The following YIPF7 variants were observed in gnomAD, a reference collection of about 807,000 sequenced individuals.
YIPF7 encodes the protein protein YIPF7.
Under a neutral mutation model 27.2 loss-of-function variants are expected in YIPF7, and 35 were observed. That is an observed-to-expected ratio of 1.29 (90% CI 0.98 to 1.70). The LOEUF (loss-of-function observed/expected upper bound fraction) is 1.70, where lower values mean the gene tolerates loss of function less well. Ranked by LOEUF, YIPF7 falls within the 40% of genes most tolerant of loss-of-function variation. The pLI, the probability that YIPF7 is intolerant of heterozygous loss-of-function variation, is 0.00. For missense variants in YIPF7, 358 were observed against 303.7 expected (o/e 1.18, Z -1.33); for synonymous variants, 137 against 110.4 (o/e 1.24, Z -1.51).
At chr4:44,660,776 A>T (rs1714026541) in intron 1 of YIPF7, among the ~76,000 whole-genome samples, 1 of 152,200 alleles carries the variant, frequency 6.6e-6, no homozygotes, top group South Asian at 2.1e-4. Flanking sequence ...AAAAAGATGG[A>T]AACACCCCAA....
At chr4:44,656,705 A>G (rs1372193896) in intron 2 of YIPF7, among the ~76,000 whole-genome samples, 1 of 151,948 alleles carries the variant, frequency 6.6e-6, no homozygotes, top group Non-Finnish European at 1.5e-5. Context: ...TTCTACTTTG[A>G]TATTACATAA....
chr4:44,660,113 C>CAAAAAAGAAAAAAAA (rs1714004215), intron 2 of YIPF7, among the ~76,000 whole-genome samples: 1 of 25,514 alleles, frequency 3.9e-5, no homozygotes, highest in Non-Finnish European at 8.0e-5. Context: ...GACTCTGTCT[C>CAAAAAAGAAAAAAAA]AAAAAAAAAA....
rs1408810526 is a variant in YIPF7, at chr4:44,624,628, G to A, written c.581C>T (p.Ser194Phe). The change falls in exon 5 of 6, where the codon TCT becomes TTT. Residue 194 changes from serine to phenylalanine, a missense_variant. Physicochemically the swap from Ser to Phe is radical, Grantham distance 155. Transcript: ENST00000415895. ...CAGTGAAAAGAACATGGCGCAACCA[G>A]ACAGGATGACCATGGGGAGCAGGCA... is the stretch of plus-strand genomic sequence containing the variant. ...GYCLLPMVIL[S>F]GCAMFFSLQG... is the part of the protein sequence containing the mutation. The A allele has an allele frequency of 6.3e-7, 1 of 1,597,630 alleles. No homozygotes were observed. Among genetic ancestry groups the A allele is most frequent in the Non-Finnish European group, 8.5e-7 (1 of 1,172,760 alleles).
intron 5 of YIPF7, 77 bp downstream of exon 5, chr4:44,624,524 C>A: frequency 1.4e-6 from 2 of 1,417,616 alleles, no homozygotes; most frequent in Non-Finnish European, 1.9e-6. Context: ...TCAGGAAGGG[C>A]TCAACTTTTT....
At chr4:44,629,296 T>A (rs1213246525) in intron 4 of YIPF7, 107 bp downstream of exon 4, 2 of 1,256,072 alleles carry the variant, frequency 1.6e-6, no homozygotes, top group Non-Finnish European at 2.0e-6. Context: ...ACTTAAAAAA[T>A]TCACTATGTA....
At chr4:44,628,439 T>C (rs1479625454) in intron 4 of YIPF7, among the ~76,000 whole-genome samples, 1 of 152,186 alleles carries the variant, frequency 6.6e-6, no homozygotes, top group Admixed American at 6.5e-5. Context: ...TTATGGAACA[T>C]GAAGAGCAGG....
At chr4:44,632,843 G>A (rs116715151) in intron 3 of YIPF7, among the ~76,000 whole-genome samples, 2,073 of 152,172 alleles carry the variant, frequency 0.014, 24 homozygotes, top group Middle Eastern at 0.031. Context: ...TAGATTCAAA[G>A]CACAAAATTA....
chr4:44,661,479 TTGAC>T (rs765319629), intron 1 of YIPF7, among the ~76,000 whole-genome samples: 18 of 152,208 alleles, frequency 1.2e-4, no homozygotes, highest in Admixed American at 3.3e-4. Context: ...AGGCAGCAAA[TTGAC>T]TGAGCATCTC....
intron 2 of YIPF7, among the ~76,000 whole-genome samples, chr4:44,656,753 G>T (rs1577747169): frequency 1.3e-5 from 2 of 151,448 alleles, no homozygotes; most frequent in East Asian, 3.9e-4. Context: ...AAGATAGGAG[G>T]CTGGATATTT....
At position 44,624,760 on chromosome 4, in the gene YIPF7, T is replaced by C. The variant is rs1235616426; in HGVS notation, c.449A>G (p.Tyr150Cys). The change falls in exon 5 of 6, where the codon TAT becomes TGT. Residue 150 changes from tyrosine (Y) to cysteine (C), a missense_variant. Transcript: ENST00000415895. ...GCCAATGGCACTCATGCCATACACA[T>C]AACCAAACTGAACTTTTCCTGCCTG... ...LLLAGKVQFG[Y>C]VYGMSAIGCL... The C allele has an allele frequency of 1.2e-6, 2 of 1,609,990 alleles. No homozygotes were observed. The highest frequency in any genetic ancestry group is 1.7e-6 in the Non-Finnish European group (2 of 1,178,496).
At chr4:44,633,251 T>C (rs1712984572) in intron 3 of YIPF7, among the ~76,000 whole-genome samples, 1 of 152,148 alleles carries the variant, frequency 6.6e-6, no homozygotes, top group African/African-American at 2.4e-5. Flanking sequence ...ACTATGTATT[T>C]TGGGGAAATT....
At chr4:44,658,702 T>A (rs559616318) in intron 2 of YIPF7, among the ~76,000 whole-genome samples, 1 of 152,196 alleles carries the variant, frequency 6.6e-6, no homozygotes, top group Non-Finnish European at 1.5e-5. Context: ...TACCCGAGAC[T>A]GGGTAATTTA....
Position 44,657,524 on chromosome 4 carries a change from G to A in YIPF7, c.-2+2925C>T, listed in dbSNP as rs141525536. 9.7e-3 allele frequency among the ~76,000 whole-genome samples: 1,472 copies of A among 152,250 alleles called. 10 individuals carry two copies. Among genetic ancestry groups the A allele is most frequent in the Non-Finnish European group, 0.015 (1,010 of 68,024 alleles). ...AAATGACCTATGAAGGTTTATAAAA[G>A]GATAAACATGCCACAATGTGAAAAA... On this transcript the variant is annotated intron_variant, in intron 2 of 2. Transcript: ENST00000508947.
upstream of YIPF7, among the ~76,000 whole-genome samples, chr4:44,655,970 C>A (rs1352791): frequency 0.55 from 82,807 of 151,802 alleles, 23,552 homozygotes; most frequent in Non-Finnish European, 0.64. Flanking sequence ...TTCATTAATA[C>A]TATCATAATT....
chr4:44,630,636 T>C (rs1712854874), intron 3 of YIPF7, among the ~76,000 whole-genome samples: 1 of 152,186 alleles, frequency 6.6e-6, no homozygotes, highest in African/African-American at 2.4e-5. Flanking sequence ...TGTTCATGAG[T>C]CCAAATCCAT....
intron 1 of YIPF7, among the ~76,000 whole-genome samples, chr4:44,651,330 T>C (rs1368122437): frequency 1.3e-5 from 2 of 152,186 alleles, no homozygotes; most frequent in Non-Finnish European, 2.9e-5. Context: ...TGATAAATCT[T>C]TTAACAATTT....
chr4:44,625,038 T>C (rs1459426122), intron 4 of YIPF7, among the ~76,000 whole-genome samples: 1 of 152,206 alleles, frequency 6.6e-6, no homozygotes, highest in South Asian at 2.1e-4. Context: ...TCTAGACTTA[T>C]ATTTTTTACT....
chr4:44,623,953 C>G (rs888628402), intron 5 of YIPF7, among the ~76,000 whole-genome samples: 1 of 152,090 alleles, frequency 6.6e-6, no homozygotes, highest in African/African-American at 2.4e-5. Flanking sequence ...ACTTACTCTT[C>G]CAAAATCAAA....
At chr4:44,640,611 C>T (rs1210475750) in intron 2 of YIPF7, among the ~76,000 whole-genome samples, 1 of 152,186 alleles carries the variant, frequency 6.6e-6, no homozygotes, top group Non-Finnish European at 1.5e-5. Context: ...CTTCTTACAG[C>T]CCCCAGTCCA....
Sources: gnomAD v4.1 joint callset for allele counts (sites outside exome capture counted in the v4.1 genomes callset) on GRCh38, gnomAD v4.1.1 for gene constraint, MANE v1.5 for transcripts, NCBI Gene and HGNC (gene_info 2026-07-23, HGNC 2026-07-21) for gene names.